RYR2: variants seen among roughly 807,000 people sequenced by gnomAD.
RYR2 encodes the protein ryanodine receptor 2.
In RYR2, 227 loss-of-function variants were observed where a neutral mutation model predicts 601.1. That is an observed-to-expected ratio of 0.38 (90% CI 0.34 to 0.42). The LOEUF is 0.42. Ranked by LOEUF, RYR2 falls within the 10% of genes least tolerant of loss-of-function variation. The pLI is 1.00. For missense variants in RYR2, 4,646 were observed against 6,156.5 expected (o/e 0.75, Z 8.21); for synonymous variants, 2,223 against 2,175.1 (o/e 1.02, Z -0.61).
chr1:237,713,942 G>GTT (rs985698831), intron 71 of RYR2, among the ~76,000 whole-genome samples: 7 of 144,900 alleles, frequency 4.8e-5, no homozygotes, highest in African/African-American at 1.5e-4. Context: ...CTTTTTATAG[G>GTT]TTTTTTTTTT....
At chr1:237,186,541 C>G (rs895506237) in intron 1 of RYR2, among the ~76,000 whole-genome samples, 2 of 152,104 alleles carry the variant, frequency 1.3e-5, no homozygotes, top group African/African-American at 2.4e-5. Context: ...AGGCCAGATG[C>G]TTTGGTTTAC....
At chr1:237,616,741 A>G (rs908482716) in intron 37 of RYR2, among the ~76,000 whole-genome samples, 18 of 152,228 alleles carry the variant, frequency 1.2e-4, no homozygotes, top group African/African-American at 4.3e-4. Context: ...CACTGCTAAT[A>G]AAGACATACC....
chr1:237,229,712 T>G (rs1008027179), intron 1 of RYR2, among the ~76,000 whole-genome samples: 2 of 152,202 alleles, frequency 1.3e-5, no homozygotes, highest in African/African-American at 2.4e-5. Flanking sequence ...CTTCTCAGGA[T>G]TCACATGCTG....
chr1:237,452,541 A>AGC (rs1658319841), intron 14 of RYR2, among the ~76,000 whole-genome samples: 1 of 97,686 alleles, frequency 1.0e-5, no homozygotes, highest in South Asian at 3.4e-4. Context: ...TATAATATAT[A>AGC]ACAACATATA....
At chr1:237,431,018 A>G in intron 12 of RYR2, among the ~76,000 whole-genome samples, 1 of 152,174 alleles carries the variant, frequency 6.6e-6, no homozygotes, top group East Asian at 1.9e-4. Context: ...TTAACTGAGC[A>G]ATTTAGTTTC....
intron 100 of RYR2, among the ~76,000 whole-genome samples, chr1:237,812,760 C>T (rs1357553408): frequency 1.3e-5 from 2 of 152,110 alleles, no homozygotes; most frequent in East Asian, 1.9e-4. Flanking sequence ...AATTCATGCA[C>T]CTTGCCTGGA....
At chr1:237,333,911 A>G (rs572984951) in intron 3 of RYR2, among the ~76,000 whole-genome samples, 14 of 152,334 alleles carry the variant, frequency 9.2e-5, no homozygotes, top group African/African-American at 3.4e-4. Flanking sequence ...TGAGTCAAAA[A>G]GAACCTCGTG....
At chr1:237,058,677 G>A (rs1396009157) in intron 1 of RYR2, among the ~76,000 whole-genome samples, 1 of 152,010 alleles carries the variant, frequency 6.6e-6, no homozygotes, top group Non-Finnish European at 1.5e-5. Context: ...AGCACTTTTG[G>A]AGCCAGGGCG....
intron 8 of RYR2, among the ~76,000 whole-genome samples, chr1:237,386,913 A>G (rs1701995653): frequency 6.6e-6 from 1 of 152,226 alleles, no homozygotes; most frequent in South Asian, 2.1e-4. Flanking sequence ...CTTCATCATC[A>G]AAAAGCTGTC....
intron 1 of RYR2, among the ~76,000 whole-genome samples, chr1:237,160,244 A>T (rs1572052449): frequency 6.6e-6 from 1 of 152,242 alleles, no homozygotes; most frequent in Non-Finnish European, 1.5e-5. Context: ...GATCTGCAGG[A>T]TACACATGAA....
chr1:237,324,374 C>T (rs577243209), intron 2 of RYR2, among the ~76,000 whole-genome samples: 216 of 152,248 alleles, frequency 1.4e-3, no homozygotes, highest in African/African-American at 3.6e-3. Context: ...GGGGAGAAGT[C>T]GACACTCAAC....
intron 53 of RYR2, among the ~76,000 whole-genome samples, chr1:237,656,621 C>T (rs1683272752): frequency 6.6e-6 from 1 of 152,192 alleles, no homozygotes; most frequent in Non-Finnish European, 1.5e-5. Flanking sequence ...AAAGCTGCCT[C>T]TTCATGCCAC....
chr1:237,598,816 G>A lies in RYR2; in HGVS notation c.4596+3159G>A, dbSNP rs147998026. Among the ~76,000 whole-genome samples, 65 of 152,160 alleles carry A rather than the reference G, an allele frequency of 4.3e-4. No homozygotes were observed. The East Asian group carries it at 0.012, about 28-fold the overall frequency. On this transcript the variant is annotated intron_variant, in intron 34 of 104. Transcript: ENST00000366574. ...AAATAATAAAAATTGGAACAATAAC[G>A]AAACAGAGACTAAACAATACAAAAG...
intron 29 of RYR2, among the ~76,000 whole-genome samples, chr1:237,573,676 G>T (rs1672938421): frequency 6.6e-6 from 1 of 151,534 alleles, no homozygotes; most frequent in African/African-American, 2.4e-5. Flanking sequence ...GCCCAGCGTG[G>T]TGGCGGGCAC....
intron 1 of RYR2, among the ~76,000 whole-genome samples, chr1:237,094,667 C>T (rs1180239107): frequency 6.6e-6 from 1 of 152,214 alleles, no homozygotes; most frequent in Non-Finnish European, 1.5e-5. Context: ...CTCCGCCTCA[C>T]TGCAAGCTCC....
intron 1 of RYR2, among the ~76,000 whole-genome samples, chr1:237,222,364 T>G (rs1191685370): frequency 2.0e-5 from 3 of 149,964 alleles, no homozygotes; most frequent in Non-Finnish European, 3.0e-5. Flanking sequence ...AGTGAGCCAA[T>G]ATCGCACCAC....
intron 1 of RYR2, among the ~76,000 whole-genome samples, chr1:237,208,727 C>T (rs1053499594): frequency 1.3e-5 from 2 of 151,698 alleles, no homozygotes; most frequent in African/African-American, 2.4e-5. Flanking sequence ...GGAAACACGT[C>T]AGTTCTACTC....
At chr1:237,369,477 TA>T (rs755268832) in intron 5 of RYR2, 56 bp from the exon 6 acceptor site, 2 of 1,401,138 alleles carry the variant, frequency 1.4e-6, no homozygotes, top group South Asian at 2.5e-5. Context: ...TCAACTTGGT[TA>T]AGTTACTCTT....
chr1:237,710,186 C>A (rs1290553242), intron 70 of RYR2, among the ~76,000 whole-genome samples: 1 of 152,134 alleles, frequency 6.6e-6, no homozygotes, highest in Non-Finnish European at 1.5e-5. Flanking sequence ...AGTAGTCTAT[C>A]ATTATTTCAG....
Sources: gnomAD v4.1 joint callset for allele counts (sites outside exome capture counted in the v4.1 genomes callset) on GRCh38, gnomAD v4.1.1 for gene constraint, MANE v1.5 for transcripts, NCBI Gene and HGNC (gene_info 2026-07-23, HGNC 2026-07-21) for gene names.